Variants in ZNF276 observed in about 807,000 individuals in gnomAD.
The protein encoded by ZNF276 is centromere protein Z.
ZNF276 carries 59 observed loss-of-function variants against 63.9 expected under a neutral mutation model. The observed-to-expected ratio is 0.92, with a 90% CI of 0.75 to 1.15. The LOEUF is 1.15. Among genes scored for constraint, ZNF276 ranks in the 50% most tolerant of loss-of-function variants. The probability of loss-of-function intolerance (pLI) is 0.00; values close to 1 mark genes in which losing one functional copy is unlikely to be tolerated. For missense variants in ZNF276, 1,084 were observed against 843.8 expected, an observed-to-expected ratio of 1.28 and a Z score of -3.53; for synonymous variants, 496 against 348.4, an observed-to-expected ratio of 1.42 and a Z score of -4.72.
intron 9 of ZNF276, chr16:89,737,428 C>T: frequency 4.0e-6 from 1 of 248,832 alleles, no homozygotes; most frequent in Middle Eastern, 1.3e-3. Context: ...GGCTGAGGCA[C>T]AAGAATCGCT....
chr16:89,726,091 C>A (rs2061461946), intron 4 of ZNF276, among the ~76,000 whole-genome samples: 1 of 152,262 alleles, frequency 6.6e-6, no homozygotes, highest in East Asian at 1.9e-4. Context: ...TCTCGGCTCA[C>A]TGCAGCCTCT....
chr16:89,723,031 G>T, intron 2 of ZNF276, 106 bp from the exon 3 acceptor site: 1 of 1,605,670 alleles, frequency 6.2e-7, no homozygotes, highest in Non-Finnish European at 8.5e-7. Flanking sequence ...AGAGAAAGTT[G>T]CCTATGGGGA....
At chr16:89,728,908 T>G (rs572381646) in intron 5 of ZNF276, among the ~76,000 whole-genome samples, 1 of 152,252 alleles carries the variant, frequency 6.6e-6, no homozygotes, top group East Asian at 1.9e-4. Flanking sequence ...TGGGGTGAGG[T>G]GGTCGATTTC....
chr16:89,720,828 G>A (rs893982957), upstream of ZNF276: 5 of 1,443,120 alleles, frequency 3.5e-6, no homozygotes, highest in South Asian at 2.7e-5. Context: ...CTCTGCAGCG[G>A]CTTCACCGTG....
chr16:89,732,666 G>T, intron 6 of ZNF276: 1 of 222,694 alleles, frequency 4.5e-6, no homozygotes, highest in Non-Finnish European at 9.2e-6. Context: ...TGTACCCTGC[G>T]TCCTCGCCCT....
intron 4 of ZNF276, among the ~76,000 whole-genome samples, chr16:89,726,618 A>G (rs532259305): frequency 1.3e-5 from 2 of 152,080 alleles, no homozygotes; most frequent in East Asian, 3.9e-4. Flanking sequence ...GGCGTGAGCC[A>G]CTGCACCCGG....
intron 2 of ZNF276, 73 bp from the exon 3 acceptor site, chr16:89,723,064 G>A (rs2061353778): frequency 1.9e-6 from 3 of 1,611,650 alleles, no homozygotes; most frequent in Middle Eastern, 1.9e-4. Context: ...GAGATCTCGA[G>A]AGGGTCCCGT....
Position 89,740,817 on chromosome 16 carries a change from T to A in ZNF276, c.*2571T>A, listed in dbSNP as rs1242851513. 3 of 1,613,598 alleles carry A rather than the reference T, an allele frequency of 1.9e-6. No individual in the cohort carries two copies. Among genetic ancestry groups the A allele is most frequent in the Non-Finnish European group, 2.5e-6 (3 of 1,179,762 alleles). On this transcript the variant is annotated 3_prime_UTR_variant, in exon 11 of 11. Transcript: ENST00000443381. Reference sequence around the variant, plus strand: ...GGTCTGACTTACATTTGAGGTCAGATGTGACGACAGCAGGCCCATCAAGGA... The same window carrying A: ...GGTCTGACTTACATTTGAGGTCAGAAGTGACGACAGCAGGCCCATCAAGGA...
intron 8 of ZNF276, 65 bp from the exon 9 acceptor site, chr16:89,733,856 C>T (rs2151693527): frequency 1.3e-6 from 2 of 1,506,744 alleles, no homozygotes. Context: ...CTGTCACCTA[C>T]TGAGGGCTCG....
chr16:89,722,883 G>T, intron 2 of ZNF276, 49 bp downstream of exon 2: 1 of 1,575,416 alleles, frequency 6.3e-7, no homozygotes, highest in South Asian at 1.1e-5. Context: ...GTACTGCAGT[G>T]TGACGGGTGT....
Position 89,739,978 on chromosome 16 carries a change from G to A in ZNF276, c.*1732G>A. On this transcript the variant is annotated 3_prime_UTR_variant, in exon 11 of 11. Transcript: ENST00000443381. ...AGCGGCCCTCCGCATTTGTGCCTCA[G>A]CAGCGTGTTTCTTACCACTCTCTGT... 1.2e-6 allele frequency: 2 copies of A among 1,613,544 alleles called. No homozygotes were observed. The highest frequency in any genetic ancestry group is 1.7e-6 in the Non-Finnish European group (2 of 1,179,482).
intron 9 of ZNF276, among the ~76,000 whole-genome samples, chr16:89,735,506 C>T (rs904345630): frequency 8.8e-6 from 1 of 113,272 alleles, no homozygotes; most frequent in Non-Finnish European, 1.6e-5. Context: ...GATGGCAGCA[C>T]TTCCTTGGGT....
chr16:89,720,693 G>T (rs2061238282), upstream of ZNF276: 5 of 1,313,590 alleles, frequency 3.8e-6, no homozygotes, highest in South Asian at 8.2e-5. Flanking sequence ...CCCCGTCCTC[G>T]CCCTCCCCGG....
Position 89,733,985 on chromosome 16 carries a change from AG to A in ZNF276, c.1423del (p.Val475PhefsTer3). ...CCCTGCCCCCACCCTGGCTGCAACA[AG>A]GTTTTCATGATCGACCGCTACCTGC... Reference protein sequence around the residue: ...ERPCPHPGCNKVFMIDRYLQR... With the variant: ...ERPCPHPGCNXVFMIDRYLQR... On this transcript the variant is annotated frameshift_variant, in exon 9 of 11. Transcript: ENST00000443381. LOFTEE classifies it high-confidence loss of function. 6.2e-7 allele frequency: 1 copy of A among 1,614,074 alleles called. No homozygotes were observed. The highest frequency in any genetic ancestry group is 8.5e-7 in the Non-Finnish European group (1 of 1,180,018).
chr16:89,736,141 T>G (rs2151700651), intron 9 of ZNF276, among the ~76,000 whole-genome samples: 1 of 152,350 alleles, frequency 6.6e-6, no homozygotes, highest in Non-Finnish European at 1.5e-5. Context: ...TCCACCTGCC[T>G]CGGCCTCCCG....
chr16:89,729,318 A>G lies in ZNF276; in HGVS notation c.1169A>G (p.Lys390Arg), dbSNP rs761079356. Residue 390 changes from lysine to arginine, a missense_variant and splice_region_variant, in exon 6 of 11, where the codon AAA becomes AGA. Physicochemically the swap from Lys to Arg is conservative, Grantham distance 26 (BLOSUM62 2). Transcript: ENST00000443381. ...TCCTTTGAGCCTTACCCAGAAAGGA[A>G]GTAAGTGGGCAGCCCGGGGTCTGCT... ...DESFEPYPER[K>R]VSGKKSESKE... is the part of the protein sequence containing the mutation. The G allele has an allele frequency of 6.2e-7, 1 of 1,614,044 alleles. No homozygotes were observed. The highest frequency in any genetic ancestry group is 1.1e-5 in the South Asian group (1 of 91,086).
At chr16:89,728,466 CA>C (rs1343713797) in intron 5 of ZNF276, among the ~76,000 whole-genome samples, 2 of 152,094 alleles carry the variant, frequency 1.3e-5, no homozygotes, top group African/African-American at 4.8e-5. Context: ...TGCAGTGGCA[CA>C]ATCTCGGCTC....
At chr16:89,720,954 C>A, upstream of ZNF276, 1 of 1,165,458 alleles carries the variant, frequency 8.6e-7, no homozygotes, top group East Asian at 3.5e-5. Context: ...TGGAGCCGCC[C>A]GAGCAGCGGA....
rs906653135 is a variant in ZNF276, at chr16:89,721,732, G to C, written c.92G>C (p.Arg31Pro). The C allele has an allele frequency of 2.2e-5, 29 of 1,347,172 alleles. No individual in the cohort carries two copies. In the Admixed American group the frequency reaches 7.1e-4, roughly 33 times the overall value. 83.5% of individuals were successfully genotyped at this position (1,347,172 alleles called of 1,614,324 possible). A position where few individuals can be genotyped will look rare whatever the true frequency, so the allele number is the denominator to read the frequency against. Reference sequence around the variant, plus strand: ...GGCGGCGGCGGCGTCAGCCGGACTCGGGGCCGCCCTTCCCTTAGCGGTGGG... The same window carrying C: ...GGCGGCGGCGGCGTCAGCCGGACTCCGGGCCGCCCTTCCCTTAGCGGTGGG... Reference protein sequence around the residue: ...SDGGGGVSRTRGRPSLSGGPR... With the variant: ...SDGGGGVSRTPGRPSLSGGPR... Residue 31 changes from arginine to proline, a missense_variant, in exon 1 of 11, where the codon CGG (arginine) becomes CCG (proline). Transcript: ENST00000443381.
Sources: allele counts gnomAD v4.1 joint callset (sites outside exome capture counted in the v4.1 genomes callset), GRCh38; gene constraint gnomAD v4.1.1; transcripts MANE v1.5; gene names NCBI Gene and HGNC (gene_info 2026-07-23, HGNC 2026-07-21).